The following SAFB variants were observed in gnomAD, a reference collection of about 807,000 sequenced individuals.
The protein encoded by SAFB is scaffold attachment factor B1.
In SAFB, 15 loss-of-function variants were observed where a neutral mutation model predicts 101.6. The observed-to-expected ratio is 0.15, with a 90% confidence interval of 0.10 to 0.23. The LOEUF is 0.23. Ranked by LOEUF, SAFB falls within the 10% of genes least tolerant of loss-of-function variation. The pLI is 1.00. For synonymous variants in SAFB, 449 were observed against 407.5 expected, an observed-to-expected ratio of 1.10 and a Z score of -1.23; for missense variants, 930 against 1,104.1, an observed-to-expected ratio of 0.84 and a Z score of 2.23.
chr19:5,637,703 G>A (rs2053624204), intron 2 of SAFB, among the ~76,000 whole-genome samples: 1 of 152,100 alleles, frequency 6.6e-6, no homozygotes, highest in East Asian at 1.9e-4. Flanking sequence ...TGGGAAAGAG[G>A]CCTGGCAGGA....
chr19:5,633,778 CAAAAAAA>C (rs555460053), intron 2 of SAFB, among the ~76,000 whole-genome samples: 19 of 120,822 alleles, frequency 1.6e-4, no homozygotes, highest in South Asian at 2.7e-4. Flanking sequence ...GACTCCGTCT[CAAAAAAA>C]AAAAAAGAAA....
chr19:5,633,672 G>A (rs1005912356), intron 2 of SAFB, among the ~76,000 whole-genome samples: 3 of 152,064 alleles, frequency 2.0e-5, no homozygotes, highest in Non-Finnish European at 2.9e-5. Context: ...CCAGCTACTC[G>A]GGAGGCTGAG....
chr19:5,643,456 G>T (rs2053764410), intron 4 of SAFB, among the ~76,000 whole-genome samples: 1 of 152,164 alleles, frequency 6.6e-6, no homozygotes. Context: ...ATTTGAGTCT[G>T]AGAAGTGGCT....
chr19:5,657,714 G>A (rs180690454), intron 14 of SAFB, among the ~76,000 whole-genome samples: 77 of 151,688 alleles, frequency 5.1e-4, no homozygotes, highest in African/African-American at 1.6e-3. Flanking sequence ...TAGTAGAGAC[G>A]GGGTTTCACC....
At chr19:5,631,191 A>G (rs568342030) in intron 2 of SAFB, among the ~76,000 whole-genome samples, 1 of 152,144 alleles carries the variant, frequency 6.6e-6, no homozygotes, top group African/African-American at 2.4e-5. Context: ...CTGTGTCTCA[A>G]AAAAAAAGAA....
chr19:5,667,716 G>T lies in SAFB; in HGVS notation c.2558-104G>T, dbSNP rs2054365517. On this transcript the variant is annotated intron_variant, in intron 19 of 20. Transcript: ENST00000588852. This position sits in a 1 kb window ranked among gnomAD's most constrained non-coding sequence, Gnocchi z 4.0. ...TGTCTTCCTGGGACCCGCTAGTTGTGGGTACCTGGGGGCCTCACCAAAGGG... is the reference window on the plus strand; with the variant it reads ...TGTCTTCCTGGGACCCGCTAGTTGTTGGTACCTGGGGGCCTCACCAAAGGG... 1.8e-6 allele frequency: 2 copies of T among 1,100,536 alleles called. No homozygotes were observed. Among genetic ancestry groups the T allele is most frequent in the East Asian group, 2.5e-5 (1 of 39,948 alleles). 68.2% of individuals were successfully genotyped at this position (1,100,536 alleles called of 1,614,324 possible). A position where few individuals can be genotyped will look rare whatever the true frequency, so the allele number is the denominator to read the frequency against.
At chr19:5,653,553 C>T (rs1455983479) in intron 11 of SAFB, 133 bp downstream of exon 11, 5 of 727,796 alleles carry the variant, frequency 6.9e-6, no homozygotes, top group South Asian at 1.8e-5. Context: ...CTCAACTCCA[C>T]CTCCTGGGTT....
rs1555693927 is a variant in SAFB at position 5,624,706 on chromosome 19, T to TTC, written c.189+1312_189+1313insTC. The stretch of plus-strand genomic sequence containing the variant: ...GTAGGGATTTTTTTTTTTTTTTTTT[T>TTC]CCTGATGAGAAACCCTGGGCTCAAG... On this transcript the variant is annotated intron_variant, in intron 1 of 20. Coordinates refer to ENST00000588852, the MANE Select transcript of SAFB (RefSeq NM_001201338.2). Among the ~76,000 whole-genome samples the TTC allele has an allele frequency of 1.9e-3, 288 of 148,468 alleles. 2 individuals carry two copies. The highest frequency in any genetic ancestry group is 0.011 in the Middle Eastern group (3 of 282).
intron 4 of SAFB, 135 bp downstream of exon 4, chr19:5,642,081 G>GA: frequency 1.3e-6 from 1 of 757,134 alleles, no homozygotes; most frequent in Non-Finnish European, 2.3e-6. Flanking sequence ...AGTTGGTTCA[G>GA]ATGATTCTGA....
chr19:5,656,826 A>G (rs2054073508), intron 13 of SAFB, among the ~76,000 whole-genome samples: 1 of 151,974 alleles, frequency 6.6e-6, no homozygotes, highest in African/African-American at 2.4e-5. Context: ...GCTGGAGTCG[A>G]GTGGCTCGAT....
intron 9 of SAFB, 36 bp from the exon 10 acceptor site, chr19:5,653,079 T>A (rs749539797): frequency 5.0e-6 from 8 of 1,611,594 alleles, no homozygotes. Context: ...TCAGTGGGCT[T>A]CATGTCTGAG....
rs1342889444 is a variant in SAFB at position 5,654,660 on chromosome 19, TC to T, written c.1755+206del. ...GTGCAGTGGTGCGATCTTGGCTCACTCCAACCTCCGCCTCCCAGGCTCAAGC... is the reference window on the plus strand; with the variant it reads ...GTGCAGTGGTGCGATCTTGGCTCACTCAACCTCCGCCTCCCAGGCTCAAGC... On this transcript the variant is annotated intron_variant, in intron 13 of 20. Transcript: ENST00000588852. Among the ~76,000 whole-genome samples the T allele has an allele frequency of 2.0e-5, 3 of 152,200 alleles. 1 individual carries two copies. Among genetic ancestry groups the T allele is most frequent in the East Asian group, 3.9e-4 (2 of 5,188 alleles).
At position 5,668,432 on chromosome 19, in the gene SAFB, G is replaced by C. The variant is rs1300139984; in HGVS notation, c.*141G>C. 1.1e-6 allele frequency: 1 copy of C among 951,574 alleles called. No homozygotes were observed. The highest frequency in any genetic ancestry group is 3.2e-5 in the East Asian group (1 of 31,498). The allele number at this position is 951,574 out of a possible 1,614,324, so 58.9% of individuals were successfully genotyped here. Reference sequence around the variant, plus strand: ...AATGTGAATTTGTTTTTCGTTTTGGGGTTTTTTTTTTTTGTAATAAATGTG... The same window carrying C: ...AATGTGAATTTGTTTTTCGTTTTGGCGTTTTTTTTTTTTGTAATAAATGTG... On this transcript the variant is annotated 3_prime_UTR_variant, in exon 21 of 21. Coordinates refer to ENST00000588852, the MANE Select transcript of SAFB (RefSeq NM_001201338.2).
At chr19:5,654,274 A>C in intron 12 of SAFB, 74 bp downstream of exon 12, 1 of 1,600,504 alleles carries the variant, frequency 6.2e-7, no homozygotes, top group Non-Finnish European at 8.6e-7. Context: ...TGCTGTGATT[A>C]GCTGGCAACG....
At chr19:5,660,715 A>T (rs1316671077) in intron 14 of SAFB, among the ~76,000 whole-genome samples, 2 of 150,266 alleles carry the variant, frequency 1.3e-5, no homozygotes, top group African/African-American at 2.4e-5. Context: ...AAAAAAAAAA[A>T]AAAAAAAAAA....
chr19:5,636,587 G>A lies in SAFB; in HGVS notation c.275-5007G>A, dbSNP rs116766420. 3.5e-3 allele frequency among the ~76,000 whole-genome samples: 539 copies of A among 152,130 alleles called. 4 individuals carry two copies. Among genetic ancestry groups the A allele is most frequent in the African/African-American group, 0.012 (510 of 41,534 alleles). ...ATGAATGAAATTAGAATATTTAAAC[G>A]TCAATTACAGTACAAATAATTAGGT... On this transcript the variant is annotated intron_variant, in intron 2 of 20. Coordinates refer to ENST00000588852, the MANE Select transcript of SAFB (RefSeq NM_001201338.2).
At position 5,642,112 on chromosome 19, in the gene SAFB, G is replaced by A. The variant is rs1201413686; in HGVS notation, c.546+166G>A. 9 of 699,092 alleles carry A rather than the reference G, an allele frequency of 1.3e-5. No homozygotes were observed. In the East Asian group the frequency reaches 2.2e-4, roughly 17 times the overall value. 43.3% of individuals were successfully genotyped at this position (699,092 alleles called of 1,614,324 possible). A position where few individuals can be genotyped will look rare whatever the true frequency, so the allele number is the denominator to read the frequency against. ...TCTGAACCAATTTGTTTTGTTGAAA[G>A]GTGATGTCTTATAACATTTCATATG... On this transcript the variant is annotated intron_variant, in intron 4 of 20. Coordinates refer to ENST00000588852, the MANE Select transcript of SAFB (RefSeq NM_001201338.2).
At chr19:5,658,931 G>T (rs2054131114) in intron 14 of SAFB, among the ~76,000 whole-genome samples, 1 of 152,146 alleles carries the variant, frequency 6.6e-6, no homozygotes, top group Non-Finnish European at 1.5e-5. Context: ...CGGATCACAA[G>T]GTCAGGAGTT....
At chr19:5,651,665 C>G (rs1252233343) in intron 9 of SAFB, among the ~76,000 whole-genome samples, 1 of 152,142 alleles carries the variant, frequency 6.6e-6, no homozygotes, top group Non-Finnish European at 1.5e-5. Context: ...CTGCAGTGCC[C>G]AGCGCAGCCG....
Sources: allele counts gnomAD v4.1 joint callset (sites outside exome capture counted in the v4.1 genomes callset), GRCh38; gene constraint gnomAD v4.1.1; non-coding constraint Gnocchi (gnomAD v3.1); transcripts MANE v1.5; gene names NCBI Gene and HGNC (gene_info 2026-07-23, HGNC 2026-07-21).